DCAF7: variants seen among roughly 807,000 people sequenced by gnomAD.
DCAF7 encodes DDB1- and CUL4-associated factor 7.
DCAF7 carries 4 observed loss-of-function variants against 41.2 expected under a neutral mutation model. That is an observed-to-expected ratio of 0.10 (90% confidence interval 0.05 to 0.22). The LOEUF (loss-of-function observed/expected upper bound fraction) is 0.22, where lower values mean the gene tolerates loss of function less well. Ranked by LOEUF, DCAF7 falls within the 10% of genes least tolerant of loss-of-function variation. The pLI is 1.00. For synonymous variants in DCAF7, 143 were observed against 164.2 expected, an observed-to-expected ratio of 0.87 and a Z score of 0.99; for missense variants, 131 against 443.2, an observed-to-expected ratio of 0.30 and a Z score of 6.32.
At chr17:63,564,133 T>TTA (rs943387593) in intron 1 of DCAF7, among the ~76,000 whole-genome samples, 3 of 106,996 alleles carry the variant, frequency 2.8e-5, no homozygotes, top group African/African-American at 7.3e-5. Flanking sequence ...GATGTTAACT[T>TTA]TATACACACA....
Position 63,560,030 on chromosome 17 carries a change from T to G in DCAF7, c.138+9215T>G, listed in dbSNP as rs185433806. Among the ~76,000 whole-genome samples the G allele has an allele frequency of 4.0e-3, 615 of 152,028 alleles. 4 individuals are homozygous for G. Among genetic ancestry groups the G allele is most frequent in the Middle Eastern group, 6.8e-3 (2 of 294 alleles). On this transcript the variant is annotated intron_variant, in intron 1 of 6. Coordinates refer to ENST00000614556, the MANE Select transcript of DCAF7 (RefSeq NM_005828.5). Reference sequence around the variant, plus strand: ...ATCCCTTAATAACTGCATATAAAGATCTGCAAATCACCAGGAGACCAGTCA... The same window carrying G: ...ATCCCTTAATAACTGCATATAAAGAGCTGCAAATCACCAGGAGACCAGTCA...
intron 1 of DCAF7, among the ~76,000 whole-genome samples, chr17:63,556,488 G>C (rs2033312554): frequency 6.6e-6 from 1 of 152,130 alleles, no homozygotes; most frequent in Admixed American, 6.6e-5. Flanking sequence ...AGAATAGTTT[G>C]AACCTGGGAG....
In DCAF7 at chr17:63,561,221, C is replaced by T. The variant is rs564129345; in HGVS notation, c.138+10406C>T. On this transcript the variant is annotated intron_variant, in intron 1 of 6. Transcript: ENST00000614556. ...CGGAGGTTGCAGTGAGCTGAGATCA[C>T]GCCACTGCACTCCAGCCTGGGCAAT... Among the ~76,000 whole-genome samples the T allele has an allele frequency of 5.0e-3, 762 of 152,152 alleles. 5 individuals carry two copies. The highest frequency in any genetic ancestry group is 0.017 in the African/African-American group (711 of 41,506).
At chr17:63,565,751 G>T (rs946235531) in intron 1 of DCAF7, among the ~76,000 whole-genome samples, 1 of 152,138 alleles carries the variant, frequency 6.6e-6, no homozygotes, top group East Asian at 1.9e-4. Context: ...CCATGTAAGT[G>T]CTCAGTTATT....
Position 63,550,781 on chromosome 17 carries a change from C to T in DCAF7, c.104C>T (p.Ala35Val), listed in dbSNP as rs897241140. Residue 35 changes from alanine to valine, a missense_variant, in exon 1 of 7, where the codon GCG becomes GTG. Transcript: ENST00000614556. The surrounding 1 kb of genome is among the most constrained non-coding windows in gnomAD (Gnocchi z 4.8). ...SVRPDKRFRL[A>V]LGSFVEEYNN... ...CGGCCCGATAAGCGCTTTCGCTTGG[C>T]GCTGGGCAGCTTCGTGGAGGAGTAC... 12 of 1,613,870 alleles carry T rather than the reference C, an allele frequency of 7.4e-6. No individual in the cohort carries two copies. The highest frequency in any genetic ancestry group is 1.0e-5 in the Non-Finnish European group (12 of 1,179,816).
Position 63,550,880 on chromosome 17 carries a change from G to T in DCAF7, c.138+65G>T. On this transcript the variant is annotated intron_variant, in intron 1 of 6. Transcript: ENST00000614556. This position sits in a 1 kb window ranked among gnomAD's most constrained non-coding sequence, Gnocchi z 4.8. The stretch of plus-strand genomic sequence containing the variant: ...CGGGCCCCGGGAGCGCCCTTTCCGG[G>T]CCGGAGCCCAGGCCTCAGAACCCTC... The T allele has an allele frequency of 1.9e-6, 3 of 1,566,426 alleles. No individual in the cohort carries two copies. Among genetic ancestry groups the T allele is most frequent in the Non-Finnish European group, 8.6e-7 (1 of 1,157,774 alleles).
Position 63,589,139 on chromosome 17 carries a change from C to T in DCAF7, c.996C>T (p.Cys332=), listed in dbSNP as rs1196619529. The T allele has an allele frequency of 6.2e-7, 1 of 1,614,040 alleles. No individual in the cohort carries two copies. The highest frequency in any genetic ancestry group is 2.2e-5 in the East Asian group (1 of 44,886). ...ASTQPDWIAI[C]YNNCLEILRV Reference sequence around the variant, plus strand: ...CTCAGCCCGACTGGATCGCCATCTGCTACAACAACTGCCTGGAGATACTCA... The same window carrying T: ...CTCAGCCCGACTGGATCGCCATCTGTTACAACAACTGCCTGGAGATACTCA... The change falls in exon 7 of 7, where the codon TGC becomes TGT. Residue 332 remains cysteine (C), a synonymous_variant. Transcript: ENST00000614556.
At chr17:63,563,886 C>T (rs2033410667) in intron 1 of DCAF7, among the ~76,000 whole-genome samples, 1 of 151,832 alleles carries the variant, frequency 6.6e-6, no homozygotes, top group African/African-American at 2.4e-5. Context: ...AAACAGTGTA[C>T]AGCACTGGGG....
intron 1 of DCAF7, among the ~76,000 whole-genome samples, chr17:63,568,440 G>A (rs1247446964): frequency 6.6e-6 from 1 of 152,106 alleles, no homozygotes; most frequent in Admixed American, 6.5e-5. Flanking sequence ...TTAGGTTAGT[G>A]CAAAGGTAAT....
chr17:63,566,297 G>A (rs2147765916), intron 1 of DCAF7, among the ~76,000 whole-genome samples: 1 of 152,034 alleles, frequency 6.6e-6, no homozygotes, highest in African/African-American at 2.4e-5. Context: ...CGTGAACCTG[G>A]GAGGCGGAAC....
intron 1 of DCAF7, among the ~76,000 whole-genome samples, chr17:63,557,510 A>G (rs1446994994): frequency 6.6e-6 from 1 of 152,156 alleles, no homozygotes; most frequent in East Asian, 1.9e-4. Context: ...CTGTCAAAAA[A>G]AAAAAGAAAG....
chr17:63,583,223 T>C (rs1474480610), intron 4 of DCAF7, among the ~76,000 whole-genome samples: 1 of 152,234 alleles, frequency 6.6e-6, no homozygotes, highest in South Asian at 2.1e-4. Flanking sequence ...CAGCAGGGCA[T>C]GTGCCTTTGT....
In DCAF7 at chr17:63,550,939, C is replaced by G. The variant is rs1353301081; in HGVS notation, c.138+124C>G. ...TCGCCCTAGGGCCACGGAGCGGTTC[C>G]TCTGTCTGGCCCTGTGCTGAAGGTT... is the stretch of plus-strand genomic sequence containing the variant. On this transcript the variant is annotated intron_variant, in intron 1 of 6. Coordinates refer to ENST00000614556, the MANE Select transcript of DCAF7 (RefSeq NM_005828.5). The surrounding 1 kb of genome is among the most constrained non-coding windows in gnomAD (Gnocchi z 4.8). 1.4e-6 allele frequency: 2 copies of G among 1,426,186 alleles called. No homozygotes were observed. Among genetic ancestry groups the G allele is most frequent in the East Asian group, 5.0e-5 (2 of 40,086 alleles). 88.3% of individuals were successfully genotyped at this position (1,426,186 alleles called of 1,614,324 possible).
intron 1 of DCAF7, among the ~76,000 whole-genome samples, chr17:63,572,156 G>T (rs1471454212): frequency 1.3e-5 from 2 of 152,162 alleles, no homozygotes; most frequent in African/African-American, 4.8e-5. Flanking sequence ...AATATTCAAA[G>T]CTCATATATT....
intron 1 of DCAF7, among the ~76,000 whole-genome samples, chr17:63,558,167 T>C (rs1465422728): frequency 2.6e-5 from 4 of 152,222 alleles, no homozygotes; most frequent in Non-Finnish European, 5.9e-5. Flanking sequence ...GTGCTGGGAC[T>C]ACAGGCCTGG....
chr17:63,583,719 C>G lies in DCAF7; in HGVS notation c.738+8C>G. ...GCCATGGATGGAATGGAGGTGAGCA[C>G]TCCTCTCAGGCTACCATGGGCCCTG... On this transcript the variant is annotated splice_region_variant and intron_variant, in intron 5 of 6. Coordinates refer to ENST00000614556, the MANE Select transcript of DCAF7 (RefSeq NM_005828.5). 1 of 1,613,596 alleles carries G rather than the reference C, an allele frequency of 6.2e-7. No homozygotes were observed. The highest frequency in any genetic ancestry group is 8.5e-7 in the Non-Finnish European group (1 of 1,179,636).
Position 63,550,668 on chromosome 17 carries a change from C to T in DCAF7, c.-10C>T. On this transcript the variant is annotated 5_prime_UTR_variant, in exon 1 of 7. Transcript: ENST00000614556. The surrounding 1 kb of genome is among the most constrained non-coding windows in gnomAD (Gnocchi z 4.8). ...GTTGACCCGGCCCGTACTGCGGCCC[C>T]GTGGCCACCATGTCCCTGCACGGCA... 3 of 1,613,034 alleles carry T rather than the reference C, an allele frequency of 1.9e-6. No individual in the cohort carries two copies. Among genetic ancestry groups the T allele is most frequent in the South Asian group, 1.1e-5 (1 of 91,084 alleles).
intron 1 of DCAF7, among the ~76,000 whole-genome samples, chr17:63,577,965 C>G (rs2033580489): frequency 6.6e-6 from 1 of 152,116 alleles, no homozygotes; most frequent in Admixed American, 6.5e-5. Context: ...GTGTAACCAC[C>G]CCTTTGAGTC....
intron 1 of DCAF7, among the ~76,000 whole-genome samples, chr17:63,569,642 C>T (rs1216932054): frequency 3.9e-5 from 6 of 152,130 alleles, no homozygotes; most frequent in Non-Finnish European, 8.8e-5. Flanking sequence ...ATTTAGGAGC[C>T]AATACTATCT....
Sources: allele counts gnomAD v4.1 joint callset (sites outside exome capture counted in the v4.1 genomes callset), GRCh38; gene constraint gnomAD v4.1.1; non-coding constraint Gnocchi (gnomAD v3.1); transcripts MANE v1.5; gene names NCBI Gene and HGNC (gene_info 2026-07-23, HGNC 2026-07-21).